The following OR6N1 variants were observed in gnomAD, a reference collection of about 807,000 sequenced individuals.
OR6N1 encodes the protein olfactory receptor 6N1.
For synonymous variants in OR6N1, 170 were observed against 150.7 expected (o/e 1.13, Z -0.94); for missense variants, 394 against 371.7 (o/e 1.06, Z -0.49).
chr1:158,825,928 T>C, the OR6N1 span, among the ~76,000 whole-genome samples: 1 of 152,136 alleles, frequency 6.6e-6, no homozygotes, highest in African/African-American at 2.4e-5. Context: ...ACATACACCA[T>C]AGAATACTAC....
the OR6N1 span, among the ~76,000 whole-genome samples, chr1:158,782,818 T>C: frequency 6.6e-6 from 1 of 152,076 alleles, no homozygotes; most frequent in Non-Finnish European, 1.5e-5. Context: ...GTATTTTTTT[T>C]CCTCTCATTT....
chr1:158,767,903 A>G (rs1657318249), intron 1 of OR6N1, among the ~76,000 whole-genome samples: 1 of 152,154 alleles, frequency 6.6e-6, no homozygotes, highest in Non-Finnish European at 1.5e-5. Context: ...CCTTTCTCAT[A>G]GACATTAATT....
At chr1:158,827,839 T>C in the OR6N1 span, among the ~76,000 whole-genome samples, 1 of 152,206 alleles carries the variant, frequency 6.6e-6, no homozygotes, top group Non-Finnish European at 1.5e-5. Context: ...GATAAAGGCA[T>C]ACCTGAGACT....
the OR6N1 span, among the ~76,000 whole-genome samples, chr1:158,814,921 T>C: frequency 6.6e-6 from 1 of 152,188 alleles, no homozygotes; most frequent in East Asian, 1.9e-4. Flanking sequence ...AAATGCAAAC[T>C]GACCAAGGGC....
the OR6N1 span, among the ~76,000 whole-genome samples, chr1:158,800,146 A>AGAT: frequency 6.6e-6 from 1 of 152,220 alleles, no homozygotes; most frequent in African/African-American, 2.4e-5. Flanking sequence ...GGTTTAGACC[A>AGAT]GATGACTTCT....
At chr1:158,834,315 C>T in the OR6N1 span, among the ~76,000 whole-genome samples, 1 of 149,370 alleles carries the variant, frequency 6.7e-6, no homozygotes, top group African/African-American at 2.5e-5. Context: ...TCACTGCAAG[C>T]TCCGCCTCCC....
At chr1:158,778,664 C>T in the OR6N1 span, among the ~76,000 whole-genome samples, 1 of 152,010 alleles carries the variant, frequency 6.6e-6, no homozygotes. Context: ...TGTGAATTTG[C>T]CTTGTGGGTA....
At chr1:158,805,266 A>G in the OR6N1 span, among the ~76,000 whole-genome samples, 1 of 152,252 alleles carries the variant, frequency 6.6e-6, no homozygotes, top group Non-Finnish European at 1.5e-5. Flanking sequence ...GCTGCCTTTC[A>G]GACGTGACTG....
chr1:158,797,452 C>T, the OR6N1 span, among the ~76,000 whole-genome samples: 1 of 152,178 alleles, frequency 6.6e-6, no homozygotes, highest in Non-Finnish European at 1.5e-5. Flanking sequence ...CAGAAACTAT[C>T]TCATCCTTCT....
At chr1:158,786,990 AT>A in the OR6N1 span, among the ~76,000 whole-genome samples, 5 of 151,752 alleles carry the variant, frequency 3.3e-5, no homozygotes, top group Admixed American at 6.6e-5. Context: ...AATACTATTG[AT>A]TTTTTTTTAT....
At chr1:158,824,804 A>G in the OR6N1 span, among the ~76,000 whole-genome samples, 1 of 152,352 alleles carries the variant, frequency 6.6e-6, no homozygotes, top group South Asian at 2.1e-4. Flanking sequence ...TACCCCATAT[A>G]CAAAAATCAG....
upstream of OR6N1, chr1:158,776,653 T>A (rs537946221): frequency 7.5e-7 from 1 of 1,328,920 alleles, no homozygotes; most frequent in African/African-American, 1.5e-5. Flanking sequence ...GAATTGAACA[T>A]TGAGGTGAGA....
At chr1:158,770,258 C>T (rs1657391173) in intron 1 of OR6N1, among the ~76,000 whole-genome samples, 3 of 152,162 alleles carry the variant, frequency 2.0e-5, no homozygotes, top group Non-Finnish European at 4.4e-5. Context: ...TGTATCATCA[C>T]TCATTAATGA....
chr1:158,779,500 A>G, the OR6N1 span, among the ~76,000 whole-genome samples: 1 of 152,242 alleles, frequency 6.6e-6, no homozygotes, highest in Non-Finnish European at 1.5e-5. Context: ...CACTCAGCCA[A>G]TGCCGAACAT....
Position 158,766,034 on chromosome 1 carries a change from A to C in OR6N1, c.649T>G (p.Ser217Ala). Reference protein sequence around the residue: ...ILATFLLILCSYVQIICTVLR... With the variant: ...ILATFLLILCAYVQIICTVLR... ...ACTGTGCAGATGATCTGCACATAGGAGCAGAGGATCAGCAGGAAGGTGGCT... is the reference window on the plus strand; with the variant it reads ...ACTGTGCAGATGATCTGCACATAGGCGCAGAGGATCAGCAGGAAGGTGGCT... The change falls in exon 2 of 2, where the codon TCC becomes GCC. Residue 217 changes from serine (S) to alanine (A), a missense_variant. Physicochemically the swap from Ser to Ala is moderately conservative, Grantham distance 99. Coordinates refer to ENST00000641846, the MANE Select transcript of OR6N1 (RefSeq NM_001005185.2). The C allele has an allele frequency of 6.2e-7, 1 of 1,614,182 alleles. No individual in the cohort carries two copies. Among genetic ancestry groups the C allele is most frequent in the Non-Finnish European group, 8.5e-7 (1 of 1,180,040 alleles).
the OR6N1 span, among the ~76,000 whole-genome samples, chr1:158,828,495 C>A: frequency 6.6e-6 from 1 of 152,218 alleles, no homozygotes; most frequent in Non-Finnish European, 1.5e-5. Context: ...TCTCCTTTGA[C>A]TCTCTCTCAC....
the OR6N1 span, among the ~76,000 whole-genome samples, chr1:158,838,105 A>C: frequency 6.6e-6 from 1 of 151,998 alleles, no homozygotes; most frequent in Non-Finnish European, 1.5e-5. Flanking sequence ...CCTATAAAAT[A>C]ATAAAAAATG....
At chr1:158,825,181 T>A in the OR6N1 span, among the ~76,000 whole-genome samples, 2 of 152,166 alleles carry the variant, frequency 1.3e-5, no homozygotes, top group East Asian at 3.9e-4. Context: ...GGCTCACGCC[T>A]GTAATCCCAG....
the OR6N1 span, among the ~76,000 whole-genome samples, chr1:158,794,094 C>T: frequency 6.6e-6 from 1 of 152,170 alleles, no homozygotes; most frequent in East Asian, 1.9e-4. Context: ...CTGGAGGGCA[C>T]TCCTCCTATG....
Sources: allele counts gnomAD v4.1 joint callset (sites outside exome capture counted in the v4.1 genomes callset), GRCh38; gene constraint gnomAD v4.1.1; transcripts MANE v1.5; gene names NCBI Gene and HGNC (gene_info 2026-07-23, HGNC 2026-07-21).